CLCA1: variants seen among roughly 807,000 people sequenced by gnomAD.
CLCA1 encodes calcium-activated chloride channel regulator 1.
CLCA1 carries 59 observed loss-of-function variants against 85.6 expected under a neutral mutation model. The ratio of observed to expected loss-of-function variants is 0.69; its 90% CI spans 0.56 to 0.86. The LOEUF is 0.86. Ranked by LOEUF, CLCA1 falls within the 40% of genes least tolerant of loss-of-function variation. CLCA1 has a pLI of 0.00. For missense variants in CLCA1, 1,022 were observed against 1,101.4 expected, an observed-to-expected ratio of 0.93 and a Z score of 1.02; for synonymous variants, 396 against 398.3, an observed-to-expected ratio of 0.99 and a Z score of 0.07.
Position 86,473,800 on chromosome 1 carries a change from T to C in CLCA1, c.375T>C (p.Cys125=). 4 of 1,613,086 alleles carry C rather than the reference T, an allele frequency of 2.5e-6. No individual in the cohort carries two copies. The highest frequency in any genetic ancestry group is 3.4e-6 in the Non-Finnish European group (4 of 1,179,260). ...DEPYTEQMGN[C]GEKGERIHLT... ...CCTACACTGAGCAGATGGGCAACTG[T>C]GGAGAGAAGGGTGAAAGGATCCACC... Residue 125 remains cysteine (C), a synonymous_variant, in exon 3 of 14, where the codon TGT becomes TGC. Transcript: ENST00000394711.
chr1:86,490,617 C>T (rs1648107974), intron 8 of CLCA1, among the ~76,000 whole-genome samples: 1 of 152,144 alleles, frequency 6.6e-6, no homozygotes, highest in Admixed American at 6.5e-5. Flanking sequence ...TGACTTCTCT[C>T]ATGTAAAAGT....
At chr1:86,479,624 G>A (rs773317058) in intron 4 of CLCA1, among the ~76,000 whole-genome samples, 6 of 152,150 alleles carry the variant, frequency 3.9e-5, no homozygotes, top group South Asian at 4.1e-4. Flanking sequence ...AGTGGCTCAC[G>A]TCTGTAATCC....
intron 9 of CLCA1, among the ~76,000 whole-genome samples, chr1:86,492,252 A>G (rs1289705068): frequency 6.6e-6 from 1 of 152,182 alleles, no homozygotes; most frequent in African/African-American, 2.4e-5. Context: ...CATTTATTCA[A>G]TCTAGGAAGA....
In CLCA1 at chr1:86,469,103, A is replaced by G. The variant is rs749587140; in HGVS notation, c.132A>G (p.Pro44=). The change falls in exon 1 of 14, where the codon CCA becomes CCG. Residue 44 remains proline, a synonymous_variant. Transcript: ENST00000394711. ...TCGTTGCAATCGACCCCAATGTGCC[A>G]GAAGATGAAACACTCATTCAACAAA... ...GIVVAIDPNV[P]EDETLIQQIK... 1.4e-5 allele frequency: 22 copies of G among 1,609,404 alleles called. No homozygotes were observed. Among genetic ancestry groups the G allele is most frequent in the Non-Finnish European group, 1.8e-5 (21 of 1,177,690 alleles).
chr1:86,475,529 G>A (rs1381533601), intron 3 of CLCA1, among the ~76,000 whole-genome samples: 1 of 152,192 alleles, frequency 6.6e-6, no homozygotes, highest in Non-Finnish European at 1.5e-5. Flanking sequence ...TGGCAAGTAA[G>A]TAGCAATGAC....
At chr1:86,490,882 A>G (rs957923175) in intron 8 of CLCA1, among the ~76,000 whole-genome samples, 3 of 143,042 alleles carry the variant, frequency 2.1e-5, no homozygotes, top group African/African-American at 8.0e-5. Context: ...CCTGAGTAAC[A>G]TGGCAAAACC....
At chr1:86,489,986 A>C (rs1367375221) in intron 8 of CLCA1, among the ~76,000 whole-genome samples, 2 of 152,184 alleles carry the variant, frequency 1.3e-5, no homozygotes, top group Non-Finnish European at 2.9e-5. Context: ...AAAAGGAAGG[A>C]GGAAAGGATA....
At chr1:86,474,252 A>T (rs1005717479) in intron 3 of CLCA1, among the ~76,000 whole-genome samples, 1 of 152,222 alleles carries the variant, frequency 6.6e-6, no homozygotes, top group African/African-American at 2.4e-5. Flanking sequence ...GTATATGTGC[A>T]GTGCTCTCAG....
intron 3 of CLCA1, 92 bp from the exon 4 acceptor site, chr1:86,476,356 G>T: frequency 1.5e-6 from 1 of 651,820 alleles, no homozygotes; most frequent in Non-Finnish European, 2.8e-6. Flanking sequence ...ACACAGCAAA[G>T]CATAAATATT....
chr1:86,485,455 A>G lies in CLCA1; in HGVS notation c.848A>G (p.Lys283Arg). The G allele has an allele frequency of 1.2e-6, 2 of 1,614,220 alleles. No individual in the cohort carries two copies. Among genetic ancestry groups the G allele is most frequent in the Non-Finnish European group, 1.7e-6 (2 of 1,180,018 alleles). The part of the protein sequence containing the change: ...WEVIRDSEDF[K>R]KTTPMTTQPP... ...GTGATCCGTGATTCTGAGGACTTTA[A>G]GAAAACCACTCCTATGACAACACAG... The change falls in exon 6 of 14, where the codon AAG becomes AGG. Residue 283 changes from lysine to arginine, a missense_variant. Lys to Arg is a conservative substitution (Grantham distance 26). Coordinates refer to ENST00000394711, the MANE Select transcript of CLCA1 (RefSeq NM_001285.4).
At chr1:86,495,143 T>C (rs1259200310) in intron 11 of CLCA1, among the ~76,000 whole-genome samples, 1 of 152,196 alleles carries the variant, frequency 6.6e-6, no homozygotes, top group East Asian at 1.9e-4. Flanking sequence ...GGAGAAGTGA[T>C]GAATTTTATT....
intron 5 of CLCA1, among the ~76,000 whole-genome samples, chr1:86,483,466 T>C (rs1260604984): frequency 6.6e-6 from 1 of 152,110 alleles, no homozygotes; most frequent in African/African-American, 2.4e-5. Context: ...TGCATGATAA[T>C]ATTGTAAAGT....
rs913017682 is a variant in CLCA1 at position 86,473,734 on chromosome 1, T to C, written c.309T>C (p.Asp103=). The C allele has an allele frequency of 6.4e-7, 1 of 1,572,148 alleles. No homozygotes were observed. Among genetic ancestry groups the C allele is most frequent in the Admixed American group, 2.0e-5 (1 of 50,836 alleles). Residue 103 remains aspartate (D), a synonymous_variant, in exon 3 of 14, where the codon GAT becomes GAC. Coordinates refer to ENST00000394711, the MANE Select transcript of CLCA1 (RefSeq NM_001285.4). The stretch of plus-strand genomic sequence containing the variant: ...AACTTTTTCTTAAATTTCAGGCTGA[T>C]GTTCTGGTTGCTGAGTCTACTCCTC... ...RPKLETYKNA[D]VLVAESTPPG...
chr1:86,487,995 T>A (rs140595041), intron 7 of CLCA1, among the ~76,000 whole-genome samples: 14 of 152,340 alleles, frequency 9.2e-5, no homozygotes, highest in Non-Finnish European at 2.1e-4. Flanking sequence ...CTGGGCTCTT[T>A]GACACAGCAA....
chr1:86,480,766 C>T (rs1011294643), intron 4 of CLCA1, among the ~76,000 whole-genome samples: 2 of 152,148 alleles, frequency 1.3e-5, no homozygotes, highest in African/African-American at 4.8e-5. Context: ...AGGATGAAAG[C>T]TCTCACAGAT....
chr1:86,488,154 T>C (rs1350028113), intron 7 of CLCA1, among the ~76,000 whole-genome samples: 1 of 152,236 alleles, frequency 6.6e-6, no homozygotes, highest in Non-Finnish European at 1.5e-5. Context: ...TCTAGGCCTT[T>C]GGAAGATGCC....
chr1:86,470,110 A>G (rs191913754), intron 1 of CLCA1, among the ~76,000 whole-genome samples: 63 of 152,300 alleles, frequency 4.1e-4, no homozygotes, highest in African/African-American at 1.4e-3. Flanking sequence ...CTAGATGGAA[A>G]ATTAATAGAA....
rs535986791 is a variant in CLCA1, at chr1:86,490,885, G to GA, written c.1358-380_1358-379insA. On this transcript the variant is annotated intron_variant, in intron 8 of 13. Coordinates refer to ENST00000394711, the MANE Select transcript of CLCA1 (RefSeq NM_001285.4). ...GTTCAAGACCAGCCTGAGTAACATG[G>GA]CAAAACCCATCTCTAAAAAAAAAAA... Among the ~76,000 whole-genome samples the GA allele has an allele frequency of 6.1e-3, 810 of 133,140 alleles. 9 individuals are homozygous for GA. The highest frequency in any genetic ancestry group is 0.022 in the African/African-American group (752 of 34,010). The allele number at this position is 133,140 out of a possible 152,430, so 87.3% of individuals were successfully genotyped here.
At chr1:86,488,890 G>T in intron 7 of CLCA1, 106 bp from the exon 8 acceptor site, 3 of 820,824 alleles carry the variant, frequency 3.7e-6, no homozygotes, top group Non-Finnish European at 5.9e-6. Flanking sequence ...AGACAATTTT[G>T]GTTATTCCCT....
Sources: gnomAD v4.1 joint callset for allele counts (sites outside exome capture counted in the v4.1 genomes callset) on GRCh38, gnomAD v4.1.1 for gene constraint, MANE v1.5 for transcripts, NCBI Gene and HGNC (gene_info 2026-07-23, HGNC 2026-07-21) for gene names.